The following INSL6 variants were observed in gnomAD, a reference collection of about 807,000 sequenced individuals.
INSL6 encodes the protein insulin-like peptide INSL6.
Under a neutral mutation model 9.4 loss-of-function variants are expected in INSL6, and 16 were observed. That is an observed-to-expected ratio of 1.70 (90% CI 1.15 to 2.59). The LOEUF is 2.59. Among genes scored for constraint, INSL6 ranks in the 30% most tolerant of loss-of-function variants. The probability of loss-of-function intolerance (pLI) is 0.00; values close to 1 mark genes in which losing one functional copy is unlikely to be tolerated. For missense variants in INSL6, 391 were observed against 257.3 expected (o/e 1.52, Z -3.56); for synonymous variants, 154 against 96.9 (o/e 1.59, Z -3.46).
chr9:5,125,430 TTTCCA>T (rs1823916187), intron 3 of INSL6, among the ~76,000 whole-genome samples: 1 of 151,446 alleles, frequency 6.6e-6, no homozygotes, highest in African/African-American at 2.4e-5. Context: ...GAACAATCAT[TTTCCA>T]TTCTTCAGTC....
At chr9:5,160,100 C>T (rs571036206), downstream of INSL6, among the ~76,000 whole-genome samples, 49 of 149,048 alleles carry the variant, frequency 3.3e-4, 1 homozygote, top group South Asian at 0.01. Flanking sequence ...CACTTGAACC[C>T]GGGGGATGGA....
At chr9:5,039,395 T>C in the INSL6 span, among the ~76,000 whole-genome samples, 1 of 152,152 alleles carries the variant, frequency 6.6e-6, no homozygotes, top group African/African-American at 2.4e-5. Flanking sequence ...TATTAGGTAT[T>C]ATAAATAGTC....
At chr9:5,053,110 C>G in the INSL6 span, among the ~76,000 whole-genome samples, 1 of 152,072 alleles carries the variant, frequency 6.6e-6, no homozygotes, top group Non-Finnish European at 1.5e-5. Context: ...TTCACACTAG[C>G]AGTACATGAA....
the INSL6 span, among the ~76,000 whole-genome samples, chr9:4,999,881 C>T: frequency 6.6e-6 from 1 of 152,194 alleles, no homozygotes; most frequent in African/African-American, 2.4e-5. Context: ...CATGCTACTA[C>T]TCCTGTCCTT....
the INSL6 span, chr9:5,069,904 A>G: frequency 6.6e-7 from 1 of 1,516,996 alleles, no homozygotes; most frequent in African/African-American, 1.4e-5. Flanking sequence ...GAAGTGATAT[A>G]TATGTATTTT....
At chr9:5,040,427 A>G in the INSL6 span, among the ~76,000 whole-genome samples, 1 of 152,234 alleles carries the variant, frequency 6.6e-6, no homozygotes, top group African/African-American at 2.4e-5. Flanking sequence ...CAAAAGCTCA[A>G]GTGACAAAAG....
At chr9:5,174,813 A>T (rs1288620418) in intron 1 of INSL6, among the ~76,000 whole-genome samples, 3 of 152,132 alleles carry the variant, frequency 2.0e-5, no homozygotes, top group African/African-American at 7.2e-5. Flanking sequence ...CATGTCCAAA[A>T]CTGAACTACT....
downstream of INSL6, among the ~76,000 whole-genome samples, chr9:5,159,030 T>C (rs1365842683): frequency 6.6e-6 from 1 of 152,156 alleles, no homozygotes; most frequent in East Asian, 1.9e-4. Flanking sequence ...TAGTTTTCTT[T>C]TTGCTTGTTT....
At chr9:5,042,561 T>G in the INSL6 span, among the ~76,000 whole-genome samples, 2 of 152,022 alleles carry the variant, frequency 1.3e-5, no homozygotes, top group Non-Finnish European at 2.9e-5. Flanking sequence ...ATTACTTTGC[T>G]GAAGTGAGTA....
chr9:5,032,106 G>A, the INSL6 span, among the ~76,000 whole-genome samples: 9 of 152,320 alleles, frequency 5.9e-5, no homozygotes, highest in East Asian at 1.2e-3. Flanking sequence ...CACATATCCC[G>A]CGCCTGGCTC....
At chr9:5,017,917 T>G in the INSL6 span, among the ~76,000 whole-genome samples, 1 of 152,202 alleles carries the variant, frequency 6.6e-6, no homozygotes, top group East Asian at 1.9e-4. Context: ...TGACTTAAAG[T>G]CTGTTGTATC....
the INSL6 span, among the ~76,000 whole-genome samples, chr9:5,070,684 G>A: frequency 6.6e-6 from 1 of 151,826 alleles, no homozygotes; most frequent in African/African-American, 2.4e-5. Context: ...TGCAGAACCC[G>A]CCCTGCCAGT....
chr9:5,126,106 C>G (rs1244209141), intron 3 of INSL6: 1 of 385,272 alleles, frequency 2.6e-6, no homozygotes, highest in Non-Finnish European at 4.6e-6. Context: ...GAGCCCTCCT[C>G]AGGGGATTTG....
chr9:5,002,852 G>T, the INSL6 span, among the ~76,000 whole-genome samples: 37 of 152,038 alleles, frequency 2.4e-4, no homozygotes, highest in African/African-American at 7.5e-4. Context: ...GTGTTTTTAT[G>T]TTCTGCTTAC....
At chr9:5,057,885 T>G in the INSL6 span, among the ~76,000 whole-genome samples, 19 of 152,078 alleles carry the variant, frequency 1.2e-4, no homozygotes, top group Non-Finnish European at 2.8e-4. Flanking sequence ...CCAGCCCCTC[T>G]ACTTTCTTAT....
At chr9:5,158,928 T>C (rs1824869072), downstream of INSL6, among the ~76,000 whole-genome samples, 1 of 150,186 alleles carries the variant, frequency 6.7e-6, no homozygotes, top group Non-Finnish European at 1.5e-5. Context: ...AAATAATGAC[T>C]ACAAGAACTT....
the INSL6 span, among the ~76,000 whole-genome samples, chr9:5,038,269 G>T: frequency 6.6e-6 from 1 of 152,050 alleles, no homozygotes. Context: ...AGTTTGAATA[G>T]GTCTATGACA....
chr9:5,043,355 C>T, the INSL6 span, among the ~76,000 whole-genome samples: 1 of 151,468 alleles, frequency 6.6e-6, no homozygotes, highest in Non-Finnish European at 1.5e-5. Flanking sequence ...AAAAAGATGC[C>T]CAACATCATT....
At chr9:5,033,739 A>G in the INSL6 span, among the ~76,000 whole-genome samples, 1 of 152,232 alleles carries the variant, frequency 6.6e-6, no homozygotes, top group Non-Finnish European at 1.5e-5. Flanking sequence ...TCCTGAAGGA[A>G]GCACTAAACA....
Sources: allele counts gnomAD v4.1 joint callset (sites outside exome capture counted in the v4.1 genomes callset), GRCh38; gene constraint gnomAD v4.1.1; transcripts MANE v1.5; gene names NCBI Gene and HGNC (gene_info 2026-07-23, HGNC 2026-07-21).